MYH7B: variants seen among roughly 807,000 people sequenced by gnomAD.
MYH7B encodes myosin heavy chain 7B.
MYH7B carries 205 observed loss-of-function variants against 234.5 expected under a neutral mutation model. That is an observed-to-expected ratio of 0.87 (90% CI 0.78 to 0.98). MYH7B has a LOEUF of 0.98. Among genes scored for constraint, MYH7B ranks in the 50% least tolerant of loss-of-function variants. The pLI, the probability that MYH7B is intolerant of heterozygous loss-of-function variation, is 0.00. For synonymous variants in MYH7B, 1,193 were observed against 1,105.0 expected (o/e 1.08, Z -1.58); for missense variants, 2,652 against 2,633.4 (o/e 1.01, Z -0.15).
intron 5 of MYH7B, among the ~76,000 whole-genome samples, chr20:34,978,969 G>A (rs981348883): frequency 2.0e-5 from 3 of 152,104 alleles, no homozygotes; most frequent in Admixed American, 6.6e-5. Flanking sequence ...AGGAGGCCTG[G>A]GTTTGAGTCT....
At chr20:35,001,373 G>T in intron 42 of MYH7B, 24 bp downstream of exon 42, 1 of 1,598,854 alleles carries the variant, frequency 6.3e-7, no homozygotes, top group South Asian at 1.1e-5. Flanking sequence ...TCTCCCTGGG[G>T]AGTGGCCCTG....
intron 10 of MYH7B, 77 bp from the exon 11 acceptor site, chr20:34,984,615 C>T: frequency 7.2e-7 from 1 of 1,389,952 alleles, no homozygotes; most frequent in East Asian, 2.3e-5. Flanking sequence ...CCGCTGCCTC[C>T]CGCTGATACC....
At position 35,002,343 on chromosome 20, in the gene MYH7B, T is replaced by TTTTC. The variant is rs574552111; in HGVS notation, c.*159_*162dup. The stretch of plus-strand genomic sequence containing the variant: ...ACCACAGCCAGTTTCCTTCTCATTC[T>TTTTC]TTTCTTTGGGGTTCAGGAGGAAAAA... On this transcript the variant is annotated 3_prime_UTR_variant, in exon 45 of 45. Coordinates refer to ENST00000262873, the Ensembl canonical transcript of MYH7B. The TTTTC allele has an allele frequency of 1.3e-3, 1,095 of 819,140 alleles. 1 individual carries two copies. The highest frequency in any genetic ancestry group is 3.1e-3 in the Admixed American group (95 of 30,634). 50.7% of individuals were successfully genotyped at this position (819,140 alleles called of 1,614,324 possible). A position where few individuals can be genotyped will look rare whatever the true frequency, so the allele number is the denominator to read the frequency against.
chr20:34,980,831 C>T (rs1312919287), intron 8 of MYH7B, 97 bp downstream of exon 8: 24 of 1,541,070 alleles, frequency 1.6e-5, no homozygotes, highest in South Asian at 3.5e-5. Flanking sequence ...CACTGCCCCC[C>T]TTTTGACGCT....
At chr20:34,979,220 C>T (rs890270495) in intron 5 of MYH7B, among the ~76,000 whole-genome samples, 170 bp from the exon 6 acceptor site, 9 of 152,184 alleles carry the variant, frequency 5.9e-5, no homozygotes, top group Admixed American at 5.2e-4. Context: ...CTCCCAGCTC[C>T]GCCCTTCCTG....
chr20:34,963,671 G>A (rs1180643818), intron 2 of MYH7B, among the ~76,000 whole-genome samples: 1 of 152,162 alleles, frequency 6.6e-6, no homozygotes, highest in Non-Finnish European at 1.5e-5. Context: ...AGGTCACAAA[G>A]ATTTACACTT....
intron 10 of MYH7B, among the ~76,000 whole-genome samples, chr20:34,983,241 CCT>C (rs779719259): frequency 4.3e-4 from 64 of 150,134 alleles, no homozygotes; most frequent in Middle Eastern, 3.4e-3. Context: ...TTGTTTTTCC[CCT>C]GTTTTCTTTC....
chr20:34,985,906 GAC>G (rs1209081395), intron 13 of MYH7B, among the ~76,000 whole-genome samples, 192 bp from the exon 14 acceptor site: 3 of 152,156 alleles, frequency 2.0e-5, no homozygotes, highest in African/African-American at 7.2e-5. Context: ...CAGAGACACA[GAC>G]ACACAGGTAC....
At position 34,986,202 on chromosome 20, in the gene MYH7B, AG is replaced by A; in HGVS notation, c.904+8del. 1 of 1,585,934 alleles carries A rather than the reference AG, an allele frequency of 6.3e-7. No individual in the cohort carries two copies. The highest frequency in any genetic ancestry group is 1.1e-5 in the South Asian group (1 of 87,338). On this transcript the variant is annotated splice_donor_5th_base_variant and intron_variant, in intron 14 of 44. Coordinates refer to ENST00000262873, the Ensembl canonical transcript of MYH7B. ...GGGAGGAAGCCAGAGCTGCAGGGTG[AG>A]GGGCAGTACGATGAAGGGGGTGGGA...
chr20:34,974,405 G>T (rs1335357302), intron 2 of MYH7B, among the ~76,000 whole-genome samples: 2 of 152,052 alleles, frequency 1.3e-5, no homozygotes, highest in Non-Finnish European at 2.9e-5. Flanking sequence ...TATAGTATTT[G>T]TTGCAAATCA....
exon 13 of MYH7B, chr20:34,985,067 G>A: frequency 6.2e-7 from 1 of 1,614,158 alleles, no homozygotes; most frequent in Non-Finnish European, 8.5e-7. Context: ...TGCCCACAGG[G>A]CAAGTTCATC....
At chr20:34,991,606 G>C (rs970416092) in intron 24 of MYH7B, among the ~76,000 whole-genome samples, 23 of 152,082 alleles carry the variant, frequency 1.5e-4, no homozygotes, top group African/African-American at 4.8e-4. Context: ...TCAGGGCAGC[G>C]GGCAGAAAGG....
At chr20:34,982,678 C>T (rs1228120545) in intron 10 of MYH7B, 123 bp downstream of exon 10, 4 of 826,498 alleles carry the variant, frequency 4.8e-6, no homozygotes, top group Non-Finnish European at 7.3e-6. Context: ...TGAGCCCTGC[C>T]TGAGCCTCCC....
intron 43 of MYH7B, 126 bp from the exon 44 acceptor site, chr20:35,001,822 T>G: frequency 7.1e-7 from 1 of 1,411,824 alleles, no homozygotes; most frequent in Non-Finnish European, 9.6e-7. Context: ...TTGGTGAGGA[T>G]GGACAGTGGC....
At chr20:35,001,893 C>T in intron 43 of MYH7B, 55 bp from the exon 44 acceptor site, 6 of 1,576,360 alleles carry the variant, frequency 3.8e-6, no homozygotes, top group Middle Eastern at 4.3e-4. Flanking sequence ...GGGCAGGGAC[C>T]AGAATAAGCA....
exon 15 of MYH7B, chr20:34,986,894 C>T (rs1223897956): frequency 5.6e-6 from 9 of 1,613,694 alleles, no homozygotes; most frequent in Admixed American, 1.7e-5. Flanking sequence ...AGACATGCTG[C>T]TTCTGTCTAT....
chr20:34,976,132 C>T (rs1040811288), intron 3 of MYH7B, among the ~76,000 whole-genome samples: 1 of 152,218 alleles, frequency 6.6e-6, no homozygotes, highest in African/African-American at 2.4e-5. Context: ...TGGCTCTACT[C>T]AGCGTATAGA....
At position 34,999,259 on chromosome 20, in the gene MYH7B, G is replaced by A. The variant is rs775693388; in HGVS notation, c.4394G>A (p.Arg1465Gln). ...GAACGGGCACTGGAGGAACGGCGGC[G>A]GCAGGAGGAGGAGATGCAGCGGGAG... Residue 1465 changes from arginine to glutamine, a missense_variant, in exon 36 of 45, where the codon CGG becomes CAG. By Grantham distance (43) the Arg-to-Gln change is conservative (BLOSUM62 1). Coordinates refer to ENST00000262873, the Ensembl canonical transcript of MYH7B. The A allele has an allele frequency of 1.5e-4, 240 of 1,601,024 alleles. 3 individuals carry two copies. The Admixed American group carries it at 3.7e-3, about 25-fold the overall frequency.
intron 16 of MYH7B, 109 bp from the exon 17 acceptor site, chr20:34,987,448 T>A: frequency 7.1e-7 from 1 of 1,410,832 alleles, no homozygotes; most frequent in Non-Finnish European, 9.8e-7. Flanking sequence ...TTGCTAGCCC[T>A]GAACTTGACC....
Sources: allele counts gnomAD v4.1 joint callset (sites outside exome capture counted in the v4.1 genomes callset), GRCh38; gene constraint gnomAD v4.1.1; transcripts MANE v1.5; gene names NCBI Gene and HGNC (gene_info 2026-07-23, HGNC 2026-07-21).